The following PAH variants were observed in gnomAD, a reference collection of about 807,000 sequenced individuals.
The protein encoded by PAH is phenylalanine-4-hydroxylase.
Under a neutral mutation model 62.0 loss-of-function variants are expected in PAH, and 64 were observed. That is an observed-to-expected ratio of 1.03 (90% CI 0.84 to 1.27). The LOEUF is 1.27. PAH is among the 50% of genes most tolerant of loss of function. PAH has a pLI of 0.00. For synonymous variants in PAH, 195 were observed against 196.2 expected, an observed-to-expected ratio of 0.99 and a Z score of 0.05; for missense variants, 579 against 542.8, an observed-to-expected ratio of 1.07 and a Z score of -0.66.
At chr12:102,866,912 TAAAG>T (rs1192693616) in intron 4 of PAH, among the ~76,000 whole-genome samples, 1 of 152,186 alleles carries the variant, frequency 6.6e-6, no homozygotes, top group African/African-American at 2.4e-5. Flanking sequence ...GATCTGTTCT[TAAAG>T]AAACCTCATC....
chr12:102,898,850 T>G (rs1723028935), intron 2 of PAH, among the ~76,000 whole-genome samples: 1 of 152,226 alleles, frequency 6.6e-6, no homozygotes, highest in South Asian at 2.1e-4. Flanking sequence ...ACTACCATTA[T>G]GTCAAACACA....
chr12:102,938,692 G>C (rs1320221681), intron 1 of PAH, among the ~76,000 whole-genome samples: 1 of 152,200 alleles, frequency 6.6e-6, no homozygotes, highest in Non-Finnish European at 1.5e-5. Context: ...GCTGCTTGCT[G>C]TCTGCTGTCT....
chr12:102,879,427 A>T (rs1478164929), intron 3 of PAH, among the ~76,000 whole-genome samples: 3 of 151,754 alleles, frequency 2.0e-5, no homozygotes, highest in African/African-American at 7.3e-5. Flanking sequence ...TCCGTGATCT[A>T]AACAGGAGCC....
In PAH at chr12:102,839,231, A is replaced by G; in HGVS notation, c.1316-13T>C. On this transcript the variant is annotated splice_polypyrimidine_tract_variant and intron_variant, in intron 12 of 12. Coordinates refer to ENST00000553106, the MANE Select transcript of PAH (RefSeq NM_000277.3). ...ATTCCAATTTCACCTACAAAGAAAA[A>G]CACCATCAAAATGGGCCACTTGTAT... 1 of 1,613,566 alleles carries G rather than the reference A, an allele frequency of 6.2e-7. No homozygotes were observed. Among genetic ancestry groups the G allele is most frequent in the East Asian group, 2.2e-5 (1 of 44,888 alleles).
intron 6 of PAH, 88 bp from the exon 7 acceptor site, chr12:102,853,038 A>C (rs920779233): frequency 1.9e-5 from 27 of 1,408,932 alleles, no homozygotes; most frequent in Non-Finnish European, 3.0e-6. Flanking sequence ...AGTAGTACAC[A>C]TAACTGCCCA....
chr12:102,881,214 A>G (rs1876800415), intron 3 of PAH, among the ~76,000 whole-genome samples: 1 of 151,326 alleles, frequency 6.6e-6, no homozygotes, highest in African/African-American at 2.4e-5. Context: ...GGATTTCGCC[A>G]TGTTGGCCAG....
chr12:102,875,572 G>T (rs759891777), intron 4 of PAH, among the ~76,000 whole-genome samples: 1 of 152,204 alleles, frequency 6.6e-6, no homozygotes, highest in Non-Finnish European at 1.5e-5. Context: ...CGGGTACACA[G>T]AGCAGAATCC....
chr12:102,843,894 T>A (rs1426478140), intron 10 of PAH, 115 bp from the exon 11 acceptor site: 5 of 1,180,236 alleles, frequency 4.2e-6, no homozygotes, highest in Non-Finnish European at 6.2e-6. Context: ...TCCTTCTACA[T>A]CACAGCCCAA....
In PAH at chr12:102,928,919, T is replaced by A. The variant is rs139048731; in HGVS notation, c.-95-11694A>T. On this transcript the variant is annotated intron_variant, in intron 1 of 3. Transcript: ENST00000546844. ...TATAACTGCCTTCCTGAGTTTATGTTTCTTTTAGCAAATGGAGATTTATAT... is the reference window on the plus strand; with the variant it reads ...TATAACTGCCTTCCTGAGTTTATGTATCTTTTAGCAAATGGAGATTTATAT... Among the ~76,000 whole-genome samples, 31 of 152,320 alleles carry A rather than the reference T, an allele frequency of 2.0e-4. No individual in the cohort carries two copies. The East Asian group carries it at 5.0e-3, about 25-fold the overall frequency.
upstream of PAH, chr12:102,953,159 A>T (rs2136779503): frequency 6.6e-6 from 1 of 152,338 alleles, no homozygotes; most frequent in South Asian, 2.1e-4. Flanking sequence ...CTTTTCTCAA[A>T]GCATCCATTG....
Position 102,839,132 on chromosome 12 carries a change from A to G in PAH, c.*43T>C. 2.5e-6 allele frequency: 4 copies of G among 1,580,968 alleles called. No homozygotes were observed. The highest frequency in any genetic ancestry group is 2.6e-6 in the Non-Finnish European group (3 of 1,150,068). On this transcript the variant is annotated 3_prime_UTR_variant, in exon 13 of 13. Coordinates refer to ENST00000553106, the MANE Select transcript of PAH (RefSeq NM_000277.3). ...TGATGAAAGAAATAGTTGGATCTCCATCAACAGATTCACAGCTGACAGACC... is the reference window on the plus strand; with the variant it reads ...TGATGAAAGAAATAGTTGGATCTCCGTCAACAGATTCACAGCTGACAGACC...
chr12:102,916,923 G>A (rs192233219), intron 1 of PAH, 148 bp downstream of exon 1: 1 of 773,148 alleles, frequency 1.3e-6, no homozygotes, highest in East Asian at 2.6e-5. Context: ...ACATTTGTCT[G>A]TTGACTTCCT....
intron 4 of PAH, among the ~76,000 whole-genome samples, chr12:102,876,621 T>C (rs150956752): frequency 6.6e-6 from 1 of 152,040 alleles, no homozygotes; most frequent in Non-Finnish European, 1.5e-5. Context: ...GATGAAGGAG[T>C]CATTTGCCTG....
intron 2 of PAH, among the ~76,000 whole-genome samples, chr12:102,895,856 A>C (rs1314742972): frequency 1.0e-5 from 1 of 96,954 alleles, no homozygotes; most frequent in Non-Finnish European, 2.2e-5. Context: ...CTCTGTCTCA[A>C]AAAAAAAAAA....
intron 3 of PAH, among the ~76,000 whole-genome samples, chr12:102,889,213 T>A (rs142251436): frequency 1.3e-5 from 2 of 152,208 alleles, no homozygotes; most frequent in Non-Finnish European, 2.9e-5. Flanking sequence ...CAGAGCCCTC[T>A]AAGGAATCCT....
intron 2 of PAH, among the ~76,000 whole-genome samples, chr12:102,908,827 C>T (rs1165038959): frequency 6.7e-6 from 1 of 149,824 alleles, no homozygotes; most frequent in East Asian, 1.9e-4. Flanking sequence ...TACATTTAGT[C>T]CTCATGTCTC....
At chr12:102,937,017 G>A (rs1271373281) in intron 1 of PAH, among the ~76,000 whole-genome samples, 1 of 152,162 alleles carries the variant, frequency 6.6e-6, no homozygotes, top group African/African-American at 2.4e-5. Context: ...CAGGAGATCT[G>A]ATGATTTTAT....
At chr12:102,932,477 T>C (rs994939732) in intron 1 of PAH, among the ~76,000 whole-genome samples, 10 of 152,140 alleles carry the variant, frequency 6.6e-5, no homozygotes, top group African/African-American at 2.4e-4. Context: ...CTGGTGATCC[T>C]AGAGAGCCCA....
chr12:102,922,621 T>A (rs1878585279), intron 1 of PAH, among the ~76,000 whole-genome samples: 2 of 152,212 alleles, frequency 1.3e-5, no homozygotes, highest in African/African-American at 4.8e-5. Flanking sequence ...CGTAATTTAT[T>A]TCATCAGTAC....
Sources: gnomAD v4.1 joint callset for allele counts (sites outside exome capture counted in the v4.1 genomes callset) on GRCh38, gnomAD v4.1.1 for gene constraint, MANE v1.5 for transcripts, NCBI Gene and HGNC (gene_info 2026-07-23, HGNC 2026-07-21) for gene names.